The following PRSS55 variants were observed in gnomAD, a reference collection of about 807,000 sequenced individuals.
PRSS55 encodes serine protease 55.
A neutral mutation model predicts 23.6 loss-of-function variants in PRSS55; 41 were observed. The ratio of observed to expected loss-of-function variants is 1.74; its 90% confidence interval spans 1.35 to 2.26. The LOEUF (loss-of-function observed/expected upper bound fraction) is 2.26. Ranked by LOEUF, PRSS55 falls within the 30% of genes most tolerant of loss-of-function variation. PRSS55 has a pLI of 0.00. For synonymous variants in PRSS55, 262 were observed against 175.5 expected (o/e 1.49, Z -3.90); for missense variants, 669 against 439.1 (o/e 1.52, Z -4.68).
chr8:10,546,004 G>A (rs558102927), intron 4 of PRSS55, among the ~76,000 whole-genome samples: 9 of 152,108 alleles, frequency 5.9e-5, no homozygotes, highest in Non-Finnish European at 1.3e-4. Flanking sequence ...AGGCTCAGAT[G>A]CTGCGTGAGC....
rs780720927 is a variant in PRSS55 at position 10,529,513 on chromosome 8, G to C, written c.161G>C (p.Gly54Ala). The C allele has an allele frequency of 1.2e-6, 2 of 1,614,134 alleles. No homozygotes were observed. The highest frequency in any genetic ancestry group is 2.2e-5 in the East Asian group (1 of 44,884). ...PHPPSPVSEC[G>A]DRSIFEGRTR... ...CTCTCTTTCTTTCCACCAGAATGTG[G>C]TGACAGATCTATTTTCGAGGGAAGA... The change falls in exon 2 of 5, where the codon GGT becomes GCT. Residue 54 changes from glycine (G) to alanine (A), a missense_variant. Physicochemically the swap from Gly to Ala is moderately conservative, Grantham distance 60. Transcript: ENST00000328655.
At chr8:10,525,851 C>T (rs1812003526) in intron 1 of PRSS55, 112 bp downstream of exon 1, 1 of 1,128,764 alleles carries the variant, frequency 8.9e-7, no homozygotes, top group Non-Finnish European at 1.2e-6. Context: ...CCCCACATAC[C>T]CCTTCTCCAA....
At chr8:10,534,187 AAACAC>A in intron 4 of PRSS55, among the ~76,000 whole-genome samples, 1 of 152,212 alleles carries the variant, frequency 6.6e-6, no homozygotes, top group Non-Finnish European at 1.5e-5. Flanking sequence ...AAGACGGAGT[AAACAC>A]AATTCTCCCA....
At chr8:10,549,311 T>G (rs571840934) in intron 4 of PRSS55, among the ~76,000 whole-genome samples, 2 of 152,018 alleles carry the variant, frequency 1.3e-5, no homozygotes, top group East Asian at 3.9e-4. Flanking sequence ...TCCCAGAAAC[T>G]CTGGTGTGGG....
At chr8:10,545,782 C>T (rs557636392) in intron 4 of PRSS55, among the ~76,000 whole-genome samples, 41 of 152,340 alleles carry the variant, frequency 2.7e-4, no homozygotes, top group African/African-American at 9.4e-4. Context: ...AGCATCTCAG[C>T]GTCCTAGCCC....
In PRSS55 at chr8:10,532,932, C is replaced by G. The variant is rs750412905; in HGVS notation, c.625C>G (p.Leu209Val). The part of the protein sequence containing the change: ...AADKNSVKTD[L>V]MKAPMVIMDW... ...TGACAAAAACTCTGTGAAAACGGAT[C>G]TGATGAAAGCGCCAATGGTCATCAT... The change falls in exon 4 of 5, where the codon CTG becomes GTG. Residue 209 changes from leucine to valine, a missense_variant. By Grantham distance (32) the Leu-to-Val change is conservative. Coordinates refer to ENST00000328655, the MANE Select transcript of PRSS55 (RefSeq NM_198464.4). 1 of 1,614,208 alleles carries G rather than the reference C, an allele frequency of 6.2e-7. No individual in the cohort carries two copies. Among genetic ancestry groups the G allele is most frequent in the Non-Finnish European group, 8.5e-7 (1 of 1,180,046 alleles).
At chr8:10,550,067 C>T (rs568802590) in intron 4 of PRSS55, among the ~76,000 whole-genome samples, 54 of 152,196 alleles carry the variant, frequency 3.5e-4, no homozygotes, top group South Asian at 1.0e-3. Flanking sequence ...TACAGGTGCG[C>T]GCCACCATGC....
intron 1 of PRSS55, 27 bp downstream of exon 1, chr8:10,525,766 G>C (rs1438744645): frequency 1.3e-6 from 2 of 1,563,780 alleles, no homozygotes; most frequent in Admixed American, 1.9e-5. Flanking sequence ...AAGGGGCATG[G>C]ATGGGGGCTC....
At chr8:10,525,772 G>A in intron 1 of PRSS55, 33 bp downstream of exon 1, 1 of 1,555,770 alleles carries the variant, frequency 6.4e-7, no homozygotes, top group South Asian at 1.2e-5. Flanking sequence ...CATGGATGGG[G>A]GCTCATGGTC....
chr8:10,529,420 C>A, intron 1 of PRSS55, 87 bp from the exon 2 acceptor site: 3 of 1,360,940 alleles, frequency 2.2e-6, no homozygotes, highest in Admixed American at 1.7e-5. Context: ...ACTTGGAAGC[C>A]TGCTCCTCCC....
intron 1 of PRSS55, among the ~76,000 whole-genome samples, chr8:10,528,827 G>T (rs73662850): frequency 9.3e-4 from 141 of 152,282 alleles, no homozygotes; most frequent in African/African-American, 3.1e-3. Context: ...GGACGCTCTA[G>T]GGGAAAATTA....
intron 4 of PRSS55, among the ~76,000 whole-genome samples, chr8:10,535,203 T>G (rs1812414211): frequency 6.6e-6 from 1 of 152,172 alleles, no homozygotes; most frequent in African/African-American, 2.4e-5. Context: ...ATTCACAGAA[T>G]TAGAAAAAAA....
chr8:10,541,735 A>G (rs1812662607), downstream of PRSS55, among the ~76,000 whole-genome samples: 1 of 152,136 alleles, frequency 6.6e-6, no homozygotes, highest in Non-Finnish European at 1.5e-5. Context: ...CTTCTTAGAA[A>G]ATGAGGTGGA....
At chr8:10,526,239 T>G (rs1812018121) in intron 1 of PRSS55, among the ~76,000 whole-genome samples, 1 of 152,176 alleles carries the variant, frequency 6.6e-6, no homozygotes, top group Admixed American at 6.5e-5. Context: ...GGTCGAGCAT[T>G]TCCCCATGTT....
intron 1 of PRSS55, 61 bp downstream of exon 1, chr8:10,525,800 G>C: frequency 1.3e-6 from 2 of 1,510,058 alleles, no homozygotes; most frequent in Non-Finnish European, 1.8e-6. Context: ...CTGGCTGCCA[G>C]GAGGGTGGAT....
rs1812315401 is a variant in PRSS55, at chr8:10,532,778, GC to G, written c.599-127del. The G allele has an allele frequency of 7.9e-6, 9 of 1,144,236 alleles. 1 individual carries two copies. In the South Asian group the frequency reaches 1.2e-4, roughly 15 times the overall value. 70.9% of individuals were successfully genotyped at this position (1,144,236 alleles called of 1,614,324 possible). A position where few individuals can be genotyped will look rare whatever the true frequency, so the allele number is the denominator to read the frequency against. ...TGGGGTAACCTGAAGGAAGTGAGGG[GC>G]TGCAGAGCCTGTGAAGGAAGGGGAT... On this transcript the variant is annotated intron_variant, in intron 3 of 4. Coordinates refer to ENST00000328655, the MANE Select transcript of PRSS55 (RefSeq NM_198464.4).
At chr8:10,526,865 G>T (rs909190593) in intron 1 of PRSS55, among the ~76,000 whole-genome samples, 2 of 152,194 alleles carry the variant, frequency 1.3e-5, no homozygotes, top group Non-Finnish European at 2.9e-5. Context: ...AGAAAGGGGG[G>T]TGGGTACCCA....
chr8:10,527,271 G>A (rs1260548231), intron 1 of PRSS55, among the ~76,000 whole-genome samples: 1 of 152,220 alleles, frequency 6.6e-6, no homozygotes, highest in Admixed American at 6.5e-5. Context: ...CGTTTAGCTT[G>A]TTTTCAATTT....
downstream of PRSS55, chr8:10,540,799 A>G (rs1812634370): frequency 6.6e-6 from 1 of 152,220 alleles, no homozygotes; most frequent in Non-Finnish European, 1.5e-5. Context: ...CTACAGCTAC[A>G]ATGTCTAGAA....
Sources: gnomAD v4.1 joint callset for allele counts (sites outside exome capture counted in the v4.1 genomes callset) on GRCh38, gnomAD v4.1.1 for gene constraint, MANE v1.5 for transcripts, NCBI Gene and HGNC (gene_info 2026-07-23, HGNC 2026-07-21) for gene names.